SLC8A2: variants seen among roughly 807,000 people sequenced by gnomAD.
SLC8A2 encodes solute carrier family 8 member A2.
SLC8A2 carries 14 observed loss-of-function variants against 70.2 expected under a neutral mutation model. The ratio of observed to expected loss-of-function variants is 0.20; its 90% CI spans 0.13 to 0.31. SLC8A2 has a LOEUF of 0.31. Among genes scored for constraint, SLC8A2 ranks in the 10% least tolerant of loss-of-function variants. The pLI is 1.00. For missense variants in SLC8A2, 779 were observed against 1,320.1 expected, an observed-to-expected ratio of 0.59 and a Z score of 6.35; for synonymous variants, 575 against 594.3, an observed-to-expected ratio of 0.97 and a Z score of 0.47.
chr19:47,432,466 T>C lies in SLC8A2; in HGVS notation c.2111-21A>G. 6.4e-7 allele frequency: 1 copy of C among 1,563,018 alleles called. No homozygotes were observed. Among genetic ancestry groups the C allele is most frequent in the African/African-American group, 1.3e-5 (1 of 74,196 alleles). On this transcript the variant is annotated intron_variant, in intron 8 of 9. Transcript: ENST00000236877. The surrounding 1 kb of genome is among the most constrained non-coding windows in gnomAD (Gnocchi z 6.2). ...GTCCCCTGTGGGCACACGACCCAGCTGGGGCATACACTCAGACTTCCTTCC... is the reference window on the plus strand; with the variant it reads ...GTCCCCTGTGGGCACACGACCCAGCCGGGGCATACACTCAGACTTCCTTCC...
At chr19:47,433,771 A>G (rs1966992484) in intron 8 of SLC8A2, among the ~76,000 whole-genome samples, 1 of 151,926 alleles carries the variant, frequency 6.6e-6, no homozygotes, top group Non-Finnish European at 1.5e-5. Flanking sequence ...TCTACTGAGT[A>G]GCTGGAATCA....
Position 47,430,955 on chromosome 19 carries a change from C to G in SLC8A2, c.2390-490G>C, listed in dbSNP as rs1966950190. On this transcript the variant is annotated intron_variant, in intron 9 of 9. Transcript: ENST00000236877. The surrounding 1 kb of genome is among the most constrained non-coding windows in gnomAD (Gnocchi z 5.9). ...GCCAGGCTGGTCTCGAACTCCTGAT[C>G]TGAGGTGATCCACTCGCCTCGGTCT... Among the ~76,000 whole-genome samples the G allele has an allele frequency of 6.6e-6, 1 of 151,970 alleles. No individual in the cohort carries two copies. Among genetic ancestry groups the G allele is most frequent in the Admixed American group, 6.6e-5 (1 of 15,258 alleles).
intron 2 of SLC8A2, among the ~76,000 whole-genome samples, chr19:47,459,588 G>A (rs1967364680): frequency 6.6e-6 from 1 of 151,774 alleles, no homozygotes; most frequent in Non-Finnish European, 1.5e-5. Context: ...GCGTGTGTGT[G>A]TCCTGTGTGT....
intron 4 of SLC8A2, among the ~76,000 whole-genome samples, chr19:47,446,571 G>A (rs1370616223): frequency 6.6e-6 from 1 of 152,124 alleles, no homozygotes; most frequent in Non-Finnish European, 1.5e-5. Flanking sequence ...GGGACTACAA[G>A]TGCACACCAC....
At chr19:47,469,193 C>A (rs1967502353) in intron 1 of SLC8A2, among the ~76,000 whole-genome samples, 2 of 151,494 alleles carry the variant, frequency 1.3e-5, no homozygotes, top group African/African-American at 4.8e-5. Context: ...CTTAAAGGGC[C>A]ACCGCACAAT....
At position 47,447,822 on chromosome 19, in the gene SLC8A2, C is replaced by T; in HGVS notation, c.1750G>A (p.Asp584Asn). 2 of 1,590,894 alleles carry T rather than the reference C, an allele frequency of 1.3e-6. No homozygotes were observed. The highest frequency in any genetic ancestry group is 1.1e-5 in the South Asian group (1 of 89,574). ...EDACGELEFG[D>N]DETMKTLQVK... ...GGGCGTGCTCACATGGTCTCGTCGT[C>T]GCCAAACTCCAGCTCTCCGCACGCG... is the stretch of plus-strand genomic sequence containing the variant. Residue 584 changes from aspartate to asparagine, a missense_variant, in exon 4 of 10, where the codon GAC (aspartate) becomes AAC (asparagine). Coordinates refer to ENST00000236877, the MANE Select transcript of SLC8A2 (RefSeq NM_015063.3). This position sits in a 1 kb window ranked among gnomAD's most constrained non-coding sequence, Gnocchi z 5.1.
chr19:47,444,596 T>C (rs1431871436), intron 4 of SLC8A2, among the ~76,000 whole-genome samples: 2 of 152,140 alleles, frequency 1.3e-5, no homozygotes, highest in Non-Finnish European at 2.9e-5. Context: ...AGTGACATGC[T>C]GACAGGGTGA....
chr19:47,437,424 C>G (rs571559820), intron 8 of SLC8A2, 38 bp downstream of exon 8: 1 of 1,321,702 alleles, frequency 7.6e-7, no homozygotes, highest in Non-Finnish European at 1.1e-6. Flanking sequence ...CTCTGTCTCT[C>G]CATCTTTCTC....
At chr19:47,438,450 A>G (rs1967059063) in intron 6 of SLC8A2, among the ~76,000 whole-genome samples, 1 of 152,144 alleles carries the variant, frequency 6.6e-6, no homozygotes, top group Non-Finnish European at 1.5e-5. Context: ...CCTGGTCTCT[A>G]CATCCAGTTT....
rs1298507365 is a variant in SLC8A2 at position 47,432,825 on chromosome 19, AAC to A, written c.2111-382_2111-381del. Among the ~76,000 whole-genome samples the A allele has an allele frequency of 2.0e-5, 3 of 151,908 alleles. No individual in the cohort carries two copies. Among genetic ancestry groups the A allele is most frequent in the African/African-American group, 7.3e-5 (3 of 41,358 alleles). On this transcript the variant is annotated intron_variant, in intron 8 of 9. Transcript: ENST00000236877. The surrounding 1 kb of genome is among the most constrained non-coding windows in gnomAD (Gnocchi z 6.2). ...AAGTGTGGCCATGTCAGCAGCTAAA[AAC>A]AGTTACTTTCCCTGCATCCTTTGAA...
chr19:47,434,295 G>C (rs1346175339), intron 8 of SLC8A2, among the ~76,000 whole-genome samples: 2 of 152,192 alleles, frequency 1.3e-5, no homozygotes, highest in Non-Finnish European at 2.9e-5. Context: ...CACATGCCTA[G>C]GCTTGGCATT....
rs535258076 is a variant in SLC8A2, at chr19:47,468,077, G to A, written c.-16-1658C>T. ...CATCCCCCTACTGTTCAGAACCCCC[G>A]CCAGCTCCCATCTCACTCACAGCAC... is the stretch of plus-strand genomic sequence containing the variant. On this transcript the variant is annotated intron_variant, in intron 1 of 9. Coordinates refer to ENST00000236877, the MANE Select transcript of SLC8A2 (RefSeq NM_015063.3). This position sits in a 1 kb window ranked among gnomAD's most constrained non-coding sequence, Gnocchi z 5.1. Among the ~76,000 whole-genome samples, 29 of 149,724 alleles carry A rather than the reference G, an allele frequency of 1.9e-4. No homozygotes were observed. The highest frequency in any genetic ancestry group is 1.3e-3 in the Admixed American group (19 of 14,974).
At chr19:47,436,592 G>A (rs1184118916) in intron 8 of SLC8A2, among the ~76,000 whole-genome samples, 2 of 152,038 alleles carry the variant, frequency 1.3e-5, no homozygotes, top group Non-Finnish European at 2.9e-5. Context: ...TTCCATGTAC[G>A]CCTTCAGTCC....
chr19:47,459,448 C>T (rs1273822496), intron 2 of SLC8A2, among the ~76,000 whole-genome samples: 1 of 152,098 alleles, frequency 6.6e-6, no homozygotes, highest in African/African-American at 2.4e-5. Flanking sequence ...TTCTCAGTAT[C>T]TGTGTTTCTC....
intron 3 of SLC8A2, among the ~76,000 whole-genome samples, chr19:47,454,237 C>T (rs1019943582): frequency 3.3e-5 from 5 of 152,156 alleles, no homozygotes; most frequent in Admixed American, 1.3e-4. Flanking sequence ...TACTCACTTC[C>T]TTCTGCAAAG....
Position 47,437,974 on chromosome 19 carries a change from C to T in SLC8A2, c.1886-1G>A. 1 of 1,614,100 alleles carries T rather than the reference C, an allele frequency of 6.2e-7. No individual in the cohort carries two copies. The highest frequency in any genetic ancestry group is 8.5e-7 in the Non-Finnish European group (1 of 1,180,012). Reference sequence around the variant, plus strand: ...GCTGTTAGCTTCCTGTCCCCATCCCCTGCAGCATGAGGGGTGGGGGTTAGA... The same window carrying T: ...GCTGTTAGCTTCCTGTCCCCATCCCTTGCAGCATGAGGGGTGGGGGTTAGA... On this transcript the variant is annotated splice_acceptor_variant, in intron 6 of 9. Transcript: ENST00000236877. LOFTEE classifies it high-confidence loss of function.
At chr19:47,446,941 C>G (rs1163311259) in intron 4 of SLC8A2, among the ~76,000 whole-genome samples, 1 of 152,090 alleles carries the variant, frequency 6.6e-6, no homozygotes, top group African/African-American at 2.4e-5. Context: ...CCAGCCAGCC[C>G]ACCTCCCCAG....
chr19:47,464,731 T>G (rs1322431099), intron 2 of SLC8A2, among the ~76,000 whole-genome samples: 1 of 152,188 alleles, frequency 6.6e-6, no homozygotes, highest in Non-Finnish European at 1.5e-5. Flanking sequence ...TACACACATG[T>G]GTGAATGAAT....
intron 4 of SLC8A2, among the ~76,000 whole-genome samples, chr19:47,446,164 C>G (rs1967159425): frequency 6.6e-6 from 1 of 151,446 alleles, no homozygotes; most frequent in Non-Finnish European, 1.5e-5. Flanking sequence ...GGAGGGGGAG[C>G]GCGGTGGGGA....
Sources: allele counts gnomAD v4.1 joint callset (sites outside exome capture counted in the v4.1 genomes callset), GRCh38; gene constraint gnomAD v4.1.1; non-coding constraint Gnocchi (gnomAD v3.1); transcripts MANE v1.5; gene names NCBI Gene and HGNC (gene_info 2026-07-23, HGNC 2026-07-21).